Variants in COPS4 observed in about 807,000 individuals in gnomAD.
COPS4 encodes the protein COP9 signalosome complex subunit 4.
A neutral mutation model predicts 55.1 loss-of-function variants in COPS4; 8 were observed. The observed-to-expected ratio is 0.15, with a 90% confidence interval of 0.09 to 0.26. The LOEUF (loss-of-function observed/expected upper bound fraction) is 0.26. Ranked by LOEUF, COPS4 falls within the 10% of genes least tolerant of loss-of-function variation. The pLI, the probability that COPS4 is intolerant of heterozygous loss-of-function variation, is 1.00. For synonymous variants in COPS4, 185 were observed against 165.7 expected, an observed-to-expected ratio of 1.12 and a Z score of -0.90; for missense variants, 248 against 484.0, an observed-to-expected ratio of 0.51 and a Z score of 4.58.
At chr4:83,043,744 A>G (rs1429124707) in intron 1 of COPS4, among the ~76,000 whole-genome samples, 1 of 152,196 alleles carries the variant, frequency 6.6e-6, no homozygotes, top group Non-Finnish European at 1.5e-5. Context: ...CTTATCTGAA[A>G]GCATGCCCAG....
intron 7 of COPS4, among the ~76,000 whole-genome samples, chr4:83,064,905 T>G (rs1223428810): frequency 6.9e-6 from 1 of 145,608 alleles, no homozygotes; most frequent in Non-Finnish European, 1.5e-5. Context: ...TTTTTTACTT[T>G]TTGAGACAAG....
At chr4:83,040,338 G>A (rs1730528671) in intron 1 of COPS4, among the ~76,000 whole-genome samples, 1 of 152,182 alleles carries the variant, frequency 6.6e-6, no homozygotes, top group Admixed American at 6.5e-5. Flanking sequence ...TGTTGCGATT[G>A]TCTGTTGCTT....
intron 4 of COPS4, among the ~76,000 whole-genome samples, chr4:83,053,839 C>CAAGAAAAAAA: frequency 1.2e-5 from 1 of 86,558 alleles, no homozygotes; most frequent in South Asian, 4.0e-4. Flanking sequence ...GACTCTGTCT[C>CAAGAAAAAAA]AAAAAAAAAA....
intron 5 of COPS4, 67 bp from the exon 6 acceptor site, chr4:83,057,186 CTGTTT>C (rs1029379619): frequency 3.0e-5 from 46 of 1,511,510 alleles, no homozygotes; most frequent in Middle Eastern, 1.8e-4. Context: ...AATTGTTTCT[CTGTTT>C]TGTTTTGTTT....
chr4:83,051,420 G>A (rs958597940), intron 4 of COPS4, among the ~76,000 whole-genome samples: 1 of 152,094 alleles, frequency 6.6e-6, no homozygotes, highest in Non-Finnish European at 1.5e-5. Flanking sequence ...GCAAGACCCT[G>A]TCTTTTTTAA....
chr4:83,075,451 C>T lies in COPS4; in HGVS notation c.*21C>T, dbSNP rs138600023. 2.5e-4 allele frequency: 407 copies of T among 1,613,254 alleles called. 2 individuals are homozygous for T. In the African/African-American group the frequency reaches 4.2e-3, roughly 17 times the overall value. On this transcript the variant is annotated 3_prime_UTR_variant, in exon 10 of 10. Coordinates refer to ENST00000264389, the MANE Select transcript of COPS4 (RefSeq NM_016129.3). ...AGTGAATCCTTGCAGAACTTCTGTG[C>T]ACATGACATCTTTTTCCATGTTGTG...
At chr4:83,042,946 C>T (rs569745795) in intron 1 of COPS4, among the ~76,000 whole-genome samples, 28 of 143,380 alleles carry the variant, frequency 2.0e-4, no homozygotes, top group South Asian at 1.1e-3. Context: ...GATGAGGTTT[C>T]ACCACATTGC....
At chr4:83,059,801 A>G (rs1304332965) in intron 6 of COPS4, among the ~76,000 whole-genome samples, 1 of 82,462 alleles carries the variant, frequency 1.2e-5, no homozygotes, top group Non-Finnish European at 2.4e-5. Context: ...GGTTCATGCC[A>G]TTCTCCCGCC....
chr4:83,049,912 T>C lies in COPS4; in HGVS notation c.338T>C (p.Ile113Thr). The stretch of plus-strand genomic sequence containing the variant: ...TCCATAAGACAGCATCTTGCATCTA[T>C]ATATGAGAAAGAAGAAGATTGGAGA... The part of the protein sequence containing the change: ...VASIRQHLAS[I>T]YEKEEDWRNA... The change falls in exon 4 of 10, where the codon ATA (isoleucine) becomes ACA (threonine). Residue 113 changes from isoleucine to threonine, a missense_variant. Physicochemically the swap from Ile to Thr is moderately conservative, Grantham distance 89. Around this residue, in one of 4 missense-constraint regions of COPS4, gnomAD observed 155 missense variants for 326.6 expected, o/e 0.47. Coordinates refer to ENST00000264389, the MANE Select transcript of COPS4 (RefSeq NM_016129.3). The C allele has an allele frequency of 1.9e-6, 3 of 1,611,320 alleles. No homozygotes were observed. Among genetic ancestry groups the C allele is most frequent in the Non-Finnish European group, 2.5e-6 (3 of 1,178,896 alleles).
intron 6 of COPS4, among the ~76,000 whole-genome samples, chr4:83,062,482 T>C (rs1243015107): frequency 6.6e-6 from 1 of 152,256 alleles, no homozygotes; most frequent in East Asian, 1.9e-4. Flanking sequence ...AACATTTGAA[T>C]GTCCTGACAC....
intron 1 of COPS4, among the ~76,000 whole-genome samples, chr4:83,041,678 G>T (rs1264660566): frequency 6.6e-6 from 1 of 151,964 alleles, no homozygotes; most frequent in East Asian, 1.9e-4. Context: ...GTGTTGGCCA[G>T]GCTGGTCTTG....
In COPS4 at chr4:83,049,324, A is replaced by C; in HGVS notation, c.306+7A>C. 6.4e-7 allele frequency: 1 copy of C among 1,569,950 alleles called. No homozygotes were observed. Among genetic ancestry groups the C allele is most frequent in the East Asian group, 2.3e-5 (1 of 43,322 alleles). ...CATTTCATTTGAGGAGCAGGTAAAA[A>C]TCTAGAGAAGTGGTTTTTTAACTTG... On this transcript the variant is annotated splice_region_variant and intron_variant, in intron 3 of 9. Coordinates refer to ENST00000264389, the MANE Select transcript of COPS4 (RefSeq NM_016129.3).
chr4:83,066,358 GACATTTTCAGA>G (rs1731292376), intron 7 of COPS4, 69 bp from the exon 8 acceptor site: 4 of 662,062 alleles, frequency 6.0e-6, no homozygotes, highest in Non-Finnish European at 1.0e-5. Context: ...TACGTGCCTA[GACATTTTCAGA>G]AAAAATGATG....
chr4:83,073,664 A>G (rs956228530), intron 9 of COPS4, among the ~76,000 whole-genome samples: 2 of 152,120 alleles, frequency 1.3e-5, no homozygotes, highest in Non-Finnish European at 2.9e-5. Flanking sequence ...TTAAGATTTT[A>G]TAGGTTGCGG....
At chr4:83,047,777 G>A (rs1403391229) in intron 2 of COPS4, among the ~76,000 whole-genome samples, 1 of 152,146 alleles carries the variant, frequency 6.6e-6, no homozygotes, top group African/African-American at 2.4e-5. Context: ...GAGATGGGCG[G>A]ATCACGAGGT....
intron 7 of COPS4, 142 bp downstream of exon 7, chr4:83,063,388 ATT>A (rs989479210): frequency 1.8e-6 from 1 of 567,182 alleles, no homozygotes; most frequent in Non-Finnish European, 2.6e-6. Context: ...TTTATTTAAA[ATT>A]TTTTTTTTAA....
At chr4:83,043,692 A>C (rs1730628625) in intron 1 of COPS4, among the ~76,000 whole-genome samples, 6 of 152,108 alleles carry the variant, frequency 3.9e-5, no homozygotes, top group Admixed American at 3.9e-4. Flanking sequence ...GATTTAATTA[A>C]ATATGAAAAA....
chr4:83,057,318 A>G lies in COPS4; in HGVS notation c.625A>G (p.Asn209Asp), dbSNP rs745710271. 6.2e-7 allele frequency: 1 copy of G among 1,613,632 alleles called. No individual in the cohort carries two copies. The highest frequency in any genetic ancestry group is 1.1e-5 in the South Asian group (1 of 90,966). The part of the protein sequence containing the change: ...RKFIEAAQRY[N>D]ELSYKTIVHE... ...ATTCATTGAAGCTGCACAAAGGTAC[A>G]ATGAGCTCTCTTACAAGACAATAGT... Residue 209 changes from asparagine to aspartate, a missense_variant, in exon 6 of 10, where the codon AAT (asparagine) becomes GAT (aspartate). Around this residue, in one of 4 missense-constraint regions of COPS4, gnomAD observed 155 missense variants for 326.6 expected, o/e 0.47. Coordinates refer to ENST00000264389, the MANE Select transcript of COPS4 (RefSeq NM_016129.3).
chr4:83,047,598 TA>T (rs1481796720), intron 2 of COPS4, among the ~76,000 whole-genome samples: 3 of 152,164 alleles, frequency 2.0e-5, no homozygotes, highest in African/African-American at 7.2e-5. Context: ...GATCTTTGTA[TA>T]AGCTTTGAAT....
Sources: allele counts gnomAD v4.1 joint callset (sites outside exome capture counted in the v4.1 genomes callset), GRCh38; gene constraint gnomAD v4.1.1; regional missense constraint gnomAD v4.1.1; transcripts MANE v1.5; gene names NCBI Gene and HGNC (gene_info 2026-07-23, HGNC 2026-07-21).